The following USP33 variants were observed in gnomAD, a reference collection of about 807,000 sequenced individuals.
USP33 encodes the protein ubiquitin specific peptidase 33.
In USP33, 46 loss-of-function variants were observed where a neutral mutation model predicts 124.2. That is an observed-to-expected ratio of 0.37 (90% CI 0.29 to 0.47). USP33 has a LOEUF of 0.47. Among genes scored for constraint, USP33 ranks in the 20% least tolerant of loss-of-function variants. The pLI, the probability that USP33 is intolerant of heterozygous loss-of-function variation, is 0.99. For missense variants in USP33, 851 were observed against 1,070.6 expected, an observed-to-expected ratio of 0.79 and a Z score of 2.86; for synonymous variants, 350 against 352.3, an observed-to-expected ratio of 0.99 and a Z score of 0.07.
Position 77,699,523 on chromosome 1 carries a change from AAGAG to A in USP33, c.2510-1596_2510-1593del, listed in dbSNP as rs570973152. On this transcript the variant is annotated intron_variant, in intron 22 of 23. Transcript: ENST00000370794. ...CAAAGTGAGCCTCTTTTTCAAAAAA[AAGAG>A]AGAGTCAAGAAACAAGAGATGCTGG... Among the ~76,000 whole-genome samples, 705 of 152,322 alleles carry A rather than the reference AAGAG, an allele frequency of 4.6e-3. 10 individuals carry two copies. The highest frequency in any genetic ancestry group is 0.016 in the African/African-American group (676 of 41,570).
chr1:77,698,237 C>CTT (rs76688044), intron 22 of USP33, among the ~76,000 whole-genome samples: 3 of 121,002 alleles, frequency 2.5e-5, no homozygotes, highest in African/African-American at 3.0e-5. Context: ...CTAATTTTTG[C>CTT]TTTTTTTTTT....
Position 77,759,761 on chromosome 1 carries a change from G to C in USP33, c.-170C>G. 1 of 398,028 alleles carries C rather than the reference G, an allele frequency of 2.5e-6. No individual in the cohort carries two copies. The highest frequency in any genetic ancestry group is 1.3e-4 in the South Asian group (1 of 7,862). The allele number at this position is 398,028 out of a possible 1,614,324, so 24.7% of individuals were successfully genotyped here. On this transcript the variant is annotated 5_prime_UTR_variant, in exon 1 of 24. Coordinates refer to ENST00000370794, the MANE Select transcript of USP33 (RefSeq NM_201624.3). Reference sequence around the variant, plus strand: ...AGAGGGGCAGTGTCGCGTCAGGAGGGCCGGAAAACGGCCCCGCAGCGCTGC... The same window carrying C: ...AGAGGGGCAGTGTCGCGTCAGGAGGCCCGGAAAACGGCCCCGCAGCGCTGC...
chr1:77,716,178 C>T (rs556088723), intron 17 of USP33, among the ~76,000 whole-genome samples: 1 of 152,190 alleles, frequency 6.6e-6, no homozygotes, highest in Non-Finnish European at 1.5e-5. Context: ...CTTGCCTCAG[C>T]CTCCTGAGTA....
intron 22 of USP33, among the ~76,000 whole-genome samples, chr1:77,699,089 G>A (rs962506474): frequency 6.6e-6 from 1 of 151,806 alleles, no homozygotes; most frequent in Admixed American, 6.6e-5. Flanking sequence ...CAAAGAACAT[G>A]AACACTTCTC....
intron 20 of USP33, 89 bp from the exon 21 acceptor site, chr1:77,711,944 C>T (rs1675309360): frequency 8.0e-7 from 1 of 1,246,902 alleles, no homozygotes; most frequent in Admixed American, 3.0e-5. Context: ...AAAAATAAAT[C>T]CTCTTAATAA....
chr1:77,744,510 A>C (rs1679516084), intron 1 of USP33, among the ~76,000 whole-genome samples: 1 of 152,216 alleles, frequency 6.6e-6, no homozygotes, highest in South Asian at 2.1e-4. Flanking sequence ...TACATCAAAA[A>C]CAAATTACTT....
chr1:77,753,698 GGTAA>G (rs1680553434), intron 1 of USP33, among the ~76,000 whole-genome samples: 1 of 151,648 alleles, frequency 6.6e-6, no homozygotes, highest in Non-Finnish European at 1.5e-5. Flanking sequence ...TGGGACCAGT[GGTAA>G]GTTTCTTCTC....
intron 10 of USP33, 32 bp from the exon 11 acceptor site, chr1:77,725,794 A>G: frequency 6.4e-7 from 1 of 1,563,790 alleles, no homozygotes; most frequent in Non-Finnish European, 8.7e-7. Context: ...TTATTACCTT[A>G]AATAGTAAAA....
chr1:77,736,143 T>C lies in USP33; in HGVS notation c.367A>G (p.Ser123Gly). Reference sequence around the variant, plus strand: ...AGAGGAGTTTTTAATGTTGTATTACTGGGTATTTTAAAATCCTTGATAACA... The same window carrying C: ...AGAGGAGTTTTTAATGTTGTATTACCGGGTATTTTAAAATCCTTGATAACA... ...ENSVQDFKIPSNTTLKTPLVA... is the reference protein window; with the variant it reads ...ENSVQDFKIPGNTTLKTPLVA... The change falls in exon 6 of 24, where the codon AGT (serine) becomes GGT (glycine). Residue 123 changes from serine (S) to glycine (G), a missense_variant. By Grantham distance (56) the Ser-to-Gly change is moderately conservative. Transcript: ENST00000370794. 1.2e-6 allele frequency: 2 copies of C among 1,610,362 alleles called. No individual in the cohort carries two copies. Among genetic ancestry groups the C allele is most frequent in the Non-Finnish European group, 1.7e-6 (2 of 1,178,098 alleles).
chr1:77,748,493 A>AC (rs1679954416), intron 1 of USP33, among the ~76,000 whole-genome samples: 1 of 151,934 alleles, frequency 6.6e-6, no homozygotes, highest in African/African-American at 2.4e-5. Flanking sequence ...ATATGGTGAA[A>AC]CCCCATCTCT....
At chr1:77,743,788 C>T (rs977352253) in intron 1 of USP33, among the ~76,000 whole-genome samples, 3 of 152,130 alleles carry the variant, frequency 2.0e-5, no homozygotes, top group Non-Finnish European at 4.4e-5. Context: ...CCTCAATAAT[C>T]GGAAGAAATT....
At chr1:77,730,050 A>C (rs1677628695) in intron 8 of USP33, 112 bp from the exon 9 acceptor site, 1 of 971,460 alleles carries the variant, frequency 1.0e-6, no homozygotes, top group Non-Finnish European at 1.5e-6. Context: ...ATGTTTCAAA[A>C]AAATCATTCA....
intron 11 of USP33, among the ~76,000 whole-genome samples, chr1:77,725,161 T>G (rs1402929294): frequency 2.0e-5 from 3 of 152,108 alleles, no homozygotes; most frequent in African/African-American, 7.2e-5. Context: ...TTCAAAAGAC[T>G]ACATATGAAA....
intron 2 of USP33, 60 bp from the exon 3 acceptor site, chr1:77,741,489 C>T (rs565685868): frequency 6.9e-5 from 107 of 1,548,880 alleles, no homozygotes; most frequent in Non-Finnish European, 9.0e-5. Flanking sequence ...ATACAATTCA[C>T]TAATGCACTA....
chr1:77,721,652 G>T lies in USP33; in HGVS notation c.1657+179C>A. 3 of 567,916 alleles carry T rather than the reference G, an allele frequency of 5.3e-6. No homozygotes were observed. The South Asian group carries it at 7.0e-5, about 13-fold the overall frequency. 35.2% of individuals were successfully genotyped at this position (567,916 alleles called of 1,614,324 possible). On this transcript the variant is annotated intron_variant, in intron 14 of 23. Transcript: ENST00000370794. ...CAGGAATTCACATGAATTCCTTCAGGATGTGATTTTTCTTGTTATATTTAT... is the reference window on the plus strand; with the variant it reads ...CAGGAATTCACATGAATTCCTTCAGTATGTGATTTTTCTTGTTATATTTAT...
chr1:77,741,533 T>C (rs900123655), intron 2 of USP33, 84 bp downstream of exon 2: 5 of 1,536,634 alleles, frequency 3.3e-6, no homozygotes, highest in Admixed American at 4.1e-5. Context: ...ATACTGCTCA[T>C]AGAGTATTAC....
At chr1:77,755,529 T>G (rs1680723387) in intron 1 of USP33, among the ~76,000 whole-genome samples, 1 of 152,132 alleles carries the variant, frequency 6.6e-6, no homozygotes, top group South Asian at 2.1e-4. Flanking sequence ...AACCCCCATT[T>G]CTACCAAAAA....
intron 1 of USP33, among the ~76,000 whole-genome samples, chr1:77,754,430 G>C (rs1465735159): frequency 6.6e-6 from 1 of 152,182 alleles, no homozygotes; most frequent in Non-Finnish European, 1.5e-5. Flanking sequence ...TATCAATGAA[G>C]AGTGCAACAA....
chr1:77,735,855 G>A (rs1678382103), intron 6 of USP33, among the ~76,000 whole-genome samples: 1 of 152,186 alleles, frequency 6.6e-6, no homozygotes, highest in Admixed American at 6.5e-5. Context: ...AGAGTAAGTA[G>A]GATCCTACCT....
Sources: gnomAD v4.1 joint callset for allele counts (sites outside exome capture counted in the v4.1 genomes callset) on GRCh38, gnomAD v4.1.1 for gene constraint, MANE v1.5 for transcripts, NCBI Gene and HGNC (gene_info 2026-07-23, HGNC 2026-07-21) for gene names.